The following FARSB variants were observed in gnomAD, a reference collection of about 807,000 sequenced individuals.
The protein encoded by FARSB is phenylalanyl-tRNA synthetase subunit beta.
FARSB carries 40 observed loss-of-function variants against 69.6 expected under a neutral mutation model. The observed-to-expected ratio is 0.57, with a 90% CI of 0.45 to 0.75. The LOEUF is 0.75. Among genes scored for constraint, FARSB ranks in the 30% least tolerant of loss-of-function variants. FARSB has a pLI of 0.00. For missense variants in FARSB, 632 were observed against 722.9 expected (o/e 0.87, Z 1.44); for synonymous variants, 235 against 247.2 (o/e 0.95, Z 0.46).
intron 16 of FARSB, among the ~76,000 whole-genome samples, chr2:222,587,691 A>G (rs929106704): frequency 6.6e-6 from 1 of 152,228 alleles, no homozygotes; most frequent in African/African-American, 2.4e-5. Context: ...CACCGATCCC[A>G]CAGAAATACA....
intron 2 of FARSB, among the ~76,000 whole-genome samples, chr2:222,647,969 T>G (rs1224763375): frequency 6.6e-6 from 1 of 152,048 alleles, no homozygotes; most frequent in Admixed American, 6.5e-5. Context: ...GTAGGGCTGG[T>G]TTTTTCCTAA....
At chr2:222,630,226 C>T in intron 8 of FARSB, 52 bp from the exon 9 acceptor site, 1 of 898,000 alleles carries the variant, frequency 1.1e-6, no homozygotes, top group Non-Finnish European at 1.7e-6. Flanking sequence ...ATTCTCTTCA[C>T]TCAGATGGAA....
chr2:222,584,680 A>T (rs1221826601), intron 16 of FARSB, among the ~76,000 whole-genome samples: 5 of 152,184 alleles, frequency 3.3e-5, no homozygotes, highest in Non-Finnish European at 7.3e-5. Flanking sequence ...CAAACAGCAC[A>T]CCAGGAGATT....
At chr2:222,608,394 C>T (rs1690760878) in intron 15 of FARSB, among the ~76,000 whole-genome samples, 1 of 152,054 alleles carries the variant, frequency 6.6e-6, no homozygotes, top group Admixed American at 6.5e-5. Flanking sequence ...TAGAGTTACA[C>T]AAAAACCTTT....
At chr2:222,636,404 A>AG in intron 5 of FARSB, among the ~76,000 whole-genome samples, 1 of 151,380 alleles carries the variant, frequency 6.6e-6, no homozygotes. Context: ...AAAAAAAAAA[A>AG]GAATATGCTT....
intron 7 of FARSB, among the ~76,000 whole-genome samples, chr2:222,632,556 CATT>C (rs1159651484): frequency 6.6e-6 from 1 of 152,206 alleles, no homozygotes; most frequent in Non-Finnish European, 1.5e-5. Context: ...TCTCAGACAT[CATT>C]AAGTTTTGTA....
At chr2:222,631,508 A>G in intron 8 of FARSB, 96 bp downstream of exon 8, 1 of 746,030 alleles carries the variant, frequency 1.3e-6, no homozygotes, top group Non-Finnish European at 2.4e-6. Context: ...CCACCTACAA[A>G]ATGCACATAT....
chr2:222,633,677 C>G (rs1250412669), intron 6 of FARSB, among the ~76,000 whole-genome samples: 1 of 76,888 alleles, frequency 1.3e-5, no homozygotes, highest in Non-Finnish European at 2.6e-5. Flanking sequence ...AGCGAAACTC[C>G]GTCTCAAAAA....
chr2:222,632,768 T>C (rs1472242450), intron 7 of FARSB, among the ~76,000 whole-genome samples: 4 of 151,074 alleles, frequency 2.6e-5, no homozygotes, highest in African/African-American at 9.7e-5. Context: ...AAGCCATGAC[T>C]GCACCACTGC....
At chr2:222,588,515 A>G (rs1461287104) in intron 16 of FARSB, among the ~76,000 whole-genome samples, 2 of 152,202 alleles carry the variant, frequency 1.3e-5, no homozygotes, top group Non-Finnish European at 2.9e-5. Context: ...GGCCAGGGCA[A>G]TTAGGCAGGA....
intron 12 of FARSB, 65 bp downstream of exon 12, chr2:222,624,207 C>A: frequency 4.7e-6 from 5 of 1,068,778 alleles, no homozygotes; most frequent in South Asian, 1.3e-5. Context: ...TTTCTCGAAG[C>A]CTTCCTGGCA....
chr2:222,633,363 T>A (rs773691572), intron 6 of FARSB, 56 bp from the exon 7 acceptor site: 1 of 831,464 alleles, frequency 1.2e-6, no homozygotes, highest in Admixed American at 2.2e-5. Flanking sequence ...TCTATCACTA[T>A]AGTTCACATA....
At chr2:222,578,842 CG>C (rs57215470) in intron 16 of FARSB, among the ~76,000 whole-genome samples, 22,103 of 151,948 alleles carry the variant, frequency 0.15, 2,498 homozygotes, top group East Asian at 0.56. Flanking sequence ...ATTAGCCAGG[CG>C]TGACGGTGGG....
At chr2:222,605,161 T>TCTC (rs1690667824) in intron 15 of FARSB, among the ~76,000 whole-genome samples, 3 of 132,674 alleles carry the variant, frequency 2.3e-5, no homozygotes, top group African/African-American at 9.0e-5. Flanking sequence ...AATACAAACT[T>TCTC]TCTCTCTCTC....
At chr2:222,622,218 C>T (rs1328441908) in intron 13 of FARSB, among the ~76,000 whole-genome samples, 1 of 152,226 alleles carries the variant, frequency 6.6e-6, no homozygotes, top group Non-Finnish European at 1.5e-5. Context: ...AGTCAAGACT[C>T]GGCCTCTGTG....
intron 13 of FARSB, among the ~76,000 whole-genome samples, chr2:222,622,157 T>C (rs1204504610): frequency 2.0e-5 from 3 of 152,166 alleles, no homozygotes; most frequent in Non-Finnish European, 4.4e-5. Context: ...AATGGAATCA[T>C]GTACACAAAG....
intron 2 of FARSB, among the ~76,000 whole-genome samples, chr2:222,648,535 T>A (rs1691933083): frequency 6.6e-6 from 1 of 152,218 alleles, no homozygotes; most frequent in Non-Finnish European, 1.5e-5. Flanking sequence ...TGATTGTAGA[T>A]GGAATAAGGC....
chr2:222,637,099 T>C (rs1312564844), intron 5 of FARSB, among the ~76,000 whole-genome samples: 1 of 152,082 alleles, frequency 6.6e-6, no homozygotes, highest in East Asian at 1.9e-4. Flanking sequence ...GTAAAATAAC[T>C]GAAGTAAAAG....
rs1689650978 is a variant in FARSB at position 222,567,317 on chromosome 2, C to CT, written c.*4553dup. 6.6e-6 allele frequency: 1 copy of CT among 152,214 alleles called. No individual in the cohort carries two copies. Among genetic ancestry groups the CT allele is most frequent in the African/African-American group, 2.4e-5 (1 of 41,452 alleles). The allele number at this position is 152,214 out of a possible 1,614,324, so 9.4% of individuals were successfully genotyped here. On this transcript the variant is annotated 3_prime_UTR_variant, in exon 17 of 17. Transcript: ENST00000281828. ...ACTTGGATATCAGATGGGTCAAAGGCTTTCAATGCTTAGGAGGCATATTCT... is the reference window on the plus strand; with the variant it reads ...ACTTGGATATCAGATGGGTCAAAGGCTTTTCAATGCTTAGGAGGCATATTCT...
Sources: gnomAD v4.1 joint callset for allele counts (sites outside exome capture counted in the v4.1 genomes callset) on GRCh38, gnomAD v4.1.1 for gene constraint, MANE v1.5 for transcripts, NCBI Gene and HGNC (gene_info 2026-07-23, HGNC 2026-07-21) for gene names.